DPH5: variants seen among roughly 807,000 people sequenced by gnomAD.
DPH5 encodes the protein diphthamide biosynthesis 5, also known as diphthine methyl ester synthase.
A neutral mutation model predicts 31.6 loss-of-function variants in DPH5; 31 were observed. That is an observed-to-expected ratio of 0.98 (90% CI 0.74 to 1.32). The LOEUF is 1.32. Ranked by LOEUF, DPH5 falls within the 40% of genes most tolerant of loss-of-function variation. DPH5 has a pLI of 0.00. For synonymous variants in DPH5, 120 were observed against 115.0 expected (o/e 1.04, Z -0.28); for missense variants, 309 against 335.7 (o/e 0.92, Z 0.62).
intron 7 of DPH5, 120 bp downstream of exon 7, chr1:100,992,517 A>G: frequency 1.5e-6 from 1 of 648,916 alleles, no homozygotes; most frequent in East Asian, 2.8e-5. Context: ...ATGACAAGAA[A>G]TAGTACAATA....
At chr1:100,991,590 C>T (rs1657709924) in intron 7 of DPH5, among the ~76,000 whole-genome samples, 1 of 151,828 alleles carries the variant, frequency 6.6e-6, no homozygotes, top group Non-Finnish European at 1.5e-5. Flanking sequence ...GAGTTTGAGA[C>T]CAGCTGGGCA....
intron 4 of DPH5, among the ~76,000 whole-genome samples, chr1:101,010,249 C>A (rs1202009406): frequency 6.6e-6 from 1 of 152,078 alleles, no homozygotes; most frequent in Non-Finnish European, 1.5e-5. Context: ...ACTTGGAAGC[C>A]TCTAATACAC....
chr1:101,011,835 TC>T (rs1296129444), intron 4 of DPH5, among the ~76,000 whole-genome samples: 1 of 151,870 alleles, frequency 6.6e-6, no homozygotes, highest in Non-Finnish European at 1.5e-5. Context: ...GGTTTACATA[TC>T]TTTATTTATC....
At chr1:101,001,312 C>G (rs1304217495) in intron 5 of DPH5, among the ~76,000 whole-genome samples, 155 bp downstream of exon 5, 1 of 152,142 alleles carries the variant, frequency 6.6e-6, no homozygotes, top group Non-Finnish European at 1.5e-5. Context: ...GCGTGTCTCT[C>G]TAAGAGCATG....
chr1:101,007,669 C>A (rs1382469631), intron 4 of DPH5, among the ~76,000 whole-genome samples: 1 of 151,396 alleles, frequency 6.6e-6, no homozygotes, highest in Non-Finnish European at 1.5e-5. Flanking sequence ...GAGCTGAGAT[C>A]GCGCCATTGC....
At chr1:101,025,207 G>A (rs1660736523) in intron 2 of DPH5, 102 bp downstream of exon 2, 1 of 1,429,190 alleles carries the variant, frequency 7.0e-7, no homozygotes, top group African/African-American at 1.4e-5. Flanking sequence ...CGTTTCAAAG[G>A]GTTTAAACAA....
At chr1:101,014,290 C>A (rs184599352) in intron 3 of DPH5, among the ~76,000 whole-genome samples, 1 of 152,130 alleles carries the variant, frequency 6.6e-6, no homozygotes, top group Non-Finnish European at 1.5e-5. Flanking sequence ...AGAATATACA[C>A]GTATACCATG....
At chr1:101,023,339 G>A (rs1268772188) in intron 2 of DPH5, 1 of 152,168 alleles carries the variant, frequency 6.6e-6, no homozygotes, top group African/African-American at 2.4e-5. Flanking sequence ...CCTGCAAAAT[G>A]AACAGTAATT....
chr1:100,990,710 C>A (rs538144452), intron 7 of DPH5, 79 bp from the exon 8 acceptor site: 215 of 1,345,982 alleles, frequency 1.6e-4, no homozygotes, highest in Non-Finnish European at 2.1e-4. Context: ...ATTAGTACCA[C>A]AAGTACATTT....
intron 6 of DPH5, 62 bp downstream of exon 6, chr1:100,995,048 G>T: frequency 8.5e-7 from 1 of 1,170,430 alleles, no homozygotes; most frequent in Non-Finnish European, 1.3e-6. Flanking sequence ...CATTTAAGTA[G>T]AATGTATTGA....
chr1:101,007,114 T>G (rs756874152), intron 4 of DPH5, among the ~76,000 whole-genome samples: 3 of 152,242 alleles, frequency 2.0e-5, no homozygotes, highest in Non-Finnish European at 4.4e-5. Context: ...TCAGAATTTG[T>G]AATTTTTTCT....
At chr1:101,019,282 G>C (rs1660293472) in intron 3 of DPH5, among the ~76,000 whole-genome samples, 1 of 152,066 alleles carries the variant, frequency 6.6e-6, no homozygotes, top group Non-Finnish European at 1.5e-5. Flanking sequence ...CTGGGTAAAA[G>C]AACAAAGATG....
chr1:100,996,595 G>A (rs1658369873), intron 5 of DPH5, among the ~76,000 whole-genome samples: 1 of 152,110 alleles, frequency 6.6e-6, no homozygotes, highest in Admixed American at 6.6e-5. Context: ...CTCCATAAAT[G>A]TCTACTGAAT....
chr1:100,999,209 G>A (rs752878978), intron 5 of DPH5, among the ~76,000 whole-genome samples: 1 of 152,214 alleles, frequency 6.6e-6, no homozygotes, highest in Non-Finnish European at 1.5e-5. Flanking sequence ...CAGCACTTTG[G>A]GGGGCCAAGG....
intron 5 of DPH5, among the ~76,000 whole-genome samples, chr1:100,997,147 A>G (rs1658424478): frequency 6.6e-6 from 1 of 152,222 alleles, no homozygotes; most frequent in African/African-American, 2.4e-5. Flanking sequence ...ATACAATAGA[A>G]TTTTTGTTCT....
At chr1:101,018,630 C>G (rs560241673) in intron 3 of DPH5, among the ~76,000 whole-genome samples, 1 of 152,096 alleles carries the variant, frequency 6.6e-6, no homozygotes, top group Non-Finnish European at 1.5e-5. Context: ...AATGATATAG[C>G]GCAAATGACG....
intron 6 of DPH5, among the ~76,000 whole-genome samples, 197 bp from the exon 7 acceptor site, chr1:100,992,937 T>C (rs1657913613): frequency 6.6e-6 from 1 of 152,210 alleles, no homozygotes; most frequent in South Asian, 2.1e-4. Context: ...TGTTCTAATT[T>C]AACTTTCCTC....
rs71084857 is a variant in DPH5, at chr1:100,991,788, C to CAAAAAAAAAAAAAA, written c.634+835_634+848dup. On this transcript the variant is annotated intron_variant, in intron 7 of 7. Coordinates refer to ENST00000370109, the MANE Select transcript of DPH5 (RefSeq NM_015958.3). ...TGGGCAACAAAGCAAGACCCCATCT[C>CAAAAAAAAAAAAAA]AAAAAAAAAAAAAAAGTCTCACAGT... 1.7e-3 allele frequency among the ~76,000 whole-genome samples: 172 copies of CAAAAAAAAAAAAAA among 100,754 alleles called. 2 individuals carry two copies. Among genetic ancestry groups the CAAAAAAAAAAAAAA allele is most frequent in the African/African-American group, 3.2e-3 (80 of 25,008 alleles). 66.1% of individuals were successfully genotyped at this position (100,754 alleles called of 152,430 possible). A position where few individuals can be genotyped will look rare whatever the true frequency, so the allele number is the denominator to read the frequency against.
intron 5 of DPH5, among the ~76,000 whole-genome samples, chr1:100,997,810 T>C (rs1658500271): frequency 1.3e-5 from 2 of 152,230 alleles, no homozygotes. Flanking sequence ...TCCCCATTTT[T>C]CATCCCTCAG....
Sources: gnomAD v4.1 joint callset for allele counts (sites outside exome capture counted in the v4.1 genomes callset) on GRCh38, gnomAD v4.1.1 for gene constraint, MANE v1.5 for transcripts, NCBI Gene and HGNC (gene_info 2026-07-23, HGNC 2026-07-21) for gene names.